HIVEP3: variants seen among roughly 807,000 people sequenced by gnomAD.
The protein encoded by HIVEP3 is HIVEP zinc finger 3, also known as transcription factor HIVEP3.
HIVEP3 carries 49 observed loss-of-function variants against 152.8 expected under a neutral mutation model. The observed-to-expected ratio is 0.32, with a 90% confidence interval of 0.26 to 0.41. The LOEUF (loss-of-function observed/expected upper bound fraction) is 0.41, where lower values mean the gene tolerates loss of function less well. Among genes scored for constraint, HIVEP3 ranks in the 10% least tolerant of loss-of-function variants. The pLI, the probability that HIVEP3 is intolerant of heterozygous loss-of-function variation, is 1.00. For missense variants in HIVEP3, 2,790 were observed against 3,103.3 expected, an observed-to-expected ratio of 0.90 and a Z score of 2.40; for synonymous variants, 1,269 against 1,289.0, an observed-to-expected ratio of 0.98 and a Z score of 0.33.
chr1:41,607,301 G>A (rs1644835127), intron 3 of HIVEP3, among the ~76,000 whole-genome samples: 1 of 152,206 alleles, frequency 6.6e-6, no homozygotes, highest in African/African-American at 2.4e-5. Context: ...TGCTTTCTGG[G>A]AGGTTTTCTT....
chr1:41,726,529 G>A (rs1267965956), intron 1 of HIVEP3, among the ~76,000 whole-genome samples: 2 of 152,190 alleles, frequency 1.3e-5, no homozygotes, highest in African/African-American at 2.4e-5. Context: ...GAGGGGTTAG[G>A]AAACTCCCAG....
chr1:41,566,022 C>T (rs7524240), intron 5 of HIVEP3, among the ~76,000 whole-genome samples: 54,484 of 151,850 alleles, frequency 0.36, 9,855 homozygotes, highest in East Asian at 0.52. Context: ...CTCTGATGAC[C>T]GGAGTGAGTG....
intron 1 of HIVEP3, among the ~76,000 whole-genome samples, chr1:41,701,495 G>C (rs1558191894): frequency 6.6e-6 from 1 of 152,232 alleles, no homozygotes; most frequent in Non-Finnish European, 1.5e-5. Context: ...TGTAGACCCA[G>C]GACAAATGCC....
chr1:41,867,699 A>G (rs1208442339), intron 1 of HIVEP3, among the ~76,000 whole-genome samples: 6 of 152,058 alleles, frequency 3.9e-5, no homozygotes, highest in African/African-American at 1.4e-4. Flanking sequence ...TACTCATGCG[A>G]CCTTGTCCAC....
chr1:41,846,887 T>C (rs897320219), intron 1 of HIVEP3, among the ~76,000 whole-genome samples: 4 of 152,220 alleles, frequency 2.6e-5, no homozygotes, highest in Non-Finnish European at 5.9e-5. Context: ...TCATGGGATA[T>C]AGCCACATAC....
At position 41,640,188 on chromosome 1, in the gene HIVEP3, G is replaced by A. The variant is rs1165536933; in HGVS notation, c.-720-11241C>T. Reference sequence around the variant, plus strand: ...GGGAGCACCCAGCCCAGGAGTCGAGGAGAATACCGGAGTGGCGGGAGGAGG... The same window carrying A: ...GGGAGCACCCAGCCCAGGAGTCGAGAAGAATACCGGAGTGGCGGGAGGAGG... On this transcript the variant is annotated intron_variant, in intron 2 of 8. Coordinates refer to ENST00000372583, the MANE Select transcript of HIVEP3 (RefSeq NM_024503.5). Among the ~76,000 whole-genome samples the A allele has an allele frequency of 2.7e-5, 4 of 148,700 alleles. No individual in the cohort carries two copies. In the Admixed American group the frequency reaches 2.7e-4, roughly 10 times the overall value.
intron 1 of HIVEP3, among the ~76,000 whole-genome samples, chr1:41,981,680 C>A (rs1339398894): frequency 6.6e-6 from 1 of 152,174 alleles, no homozygotes; most frequent in Non-Finnish European, 1.5e-5. Flanking sequence ...GAAGGTAAGG[C>A]ATTAAAGGTA....
At chr1:41,630,705 C>T (rs187361657) in intron 2 of HIVEP3, among the ~76,000 whole-genome samples, 2 of 152,184 alleles carry the variant, frequency 1.3e-5, no homozygotes, top group Non-Finnish European at 2.9e-5. Context: ...CAGATGAGAA[C>T]CCAGCCCACC....
chr1:41,806,679 G>C (rs1473898591), intron 1 of HIVEP3, among the ~76,000 whole-genome samples: 1 of 152,246 alleles, frequency 6.6e-6, no homozygotes, highest in East Asian at 1.9e-4. Flanking sequence ...GGGGGAAACT[G>C]TGCTTCCCCT....
intron 1 of HIVEP3, among the ~76,000 whole-genome samples, chr1:41,836,204 G>A (rs1354335208): frequency 1.3e-5 from 2 of 152,182 alleles, no homozygotes; most frequent in Admixed American, 6.5e-5. Context: ...TGCCTCAGTC[G>A]GGGCCTGGCT....
chr1:41,888,299 A>T (rs368356650), intron 1 of HIVEP3, among the ~76,000 whole-genome samples: 1 of 138,308 alleles, frequency 7.2e-6, no homozygotes, highest in Admixed American at 7.9e-5. Context: ...TAATCTGCCC[A>T]CCTTGGCCTC....
At chr1:41,821,836 A>C (rs752706677) in intron 1 of HIVEP3, among the ~76,000 whole-genome samples, 17 of 152,202 alleles carry the variant, frequency 1.1e-4, no homozygotes, top group Non-Finnish European at 2.2e-4. Flanking sequence ...CCTAGTCTTC[A>C]GGGTCTCACT....
intron 5 of HIVEP3, among the ~76,000 whole-genome samples, chr1:41,546,006 C>T (rs1008333061): frequency 3.3e-5 from 5 of 152,230 alleles, no homozygotes; most frequent in Non-Finnish European, 4.4e-5. Context: ...AAGCCAAACA[C>T]GGCTGAGTGT....
intron 1 of HIVEP3, among the ~76,000 whole-genome samples, chr1:41,932,093 C>T (rs576404833): frequency 9.3e-4 from 141 of 151,800 alleles, no homozygotes; most frequent in Non-Finnish European, 1.6e-3. Context: ...TGTAGATGCC[C>T]TTTTTGAGGT....
chr1:41,652,677 C>T (rs1358542043), intron 2 of HIVEP3, among the ~76,000 whole-genome samples: 2 of 152,192 alleles, frequency 1.3e-5, no homozygotes, highest in African/African-American at 2.4e-5. Flanking sequence ...CCCACCTCAC[C>T]GGCCATTTCC....
At chr1:41,562,630 TC>T (rs1558063134) in intron 5 of HIVEP3, among the ~76,000 whole-genome samples, 12 of 87,578 alleles carry the variant, frequency 1.4e-4, no homozygotes, top group East Asian at 3.5e-4. Context: ...TCTCTCTCTC[TC>T]TCCCTCTCTC....
At chr1:41,837,651 C>G (rs1557432789) in intron 1 of HIVEP3, among the ~76,000 whole-genome samples, 1 of 152,200 alleles carries the variant, frequency 6.6e-6, no homozygotes, top group Non-Finnish European at 1.5e-5. Flanking sequence ...TTCATAACCC[C>G]TGTTAGCACC....
chr1:42,024,662 C>T (rs938692030), intron 1 of HIVEP3, among the ~76,000 whole-genome samples: 17 of 152,148 alleles, frequency 1.1e-4, no homozygotes, highest in African/African-American at 4.1e-4. Context: ...TCTATATTTA[C>T]ATTCACCCAC....
At chr1:41,811,853 C>A (rs1650980123) in intron 1 of HIVEP3, among the ~76,000 whole-genome samples, 1 of 151,996 alleles carries the variant, frequency 6.6e-6, no homozygotes, top group Non-Finnish European at 1.5e-5. Context: ...TTATCTAACT[C>A]CATACAATTA....
Sources: allele counts gnomAD v4.1 joint callset (sites outside exome capture counted in the v4.1 genomes callset), GRCh38; gene constraint gnomAD v4.1.1; transcripts MANE v1.5; gene names NCBI Gene and HGNC (gene_info 2026-07-23, HGNC 2026-07-21).